TMEM41B: variants seen among roughly 807,000 people sequenced by gnomAD.
TMEM41B encodes the protein protein stasimon.
Under a neutral mutation model 31.9 loss-of-function variants are expected in TMEM41B, and 18 were observed. The ratio of observed to expected loss-of-function variants is 0.56; its 90% CI spans 0.39 to 0.84. The LOEUF (loss-of-function observed/expected upper bound fraction) is 0.84, where lower values mean the gene tolerates loss of function less well. Ranked by LOEUF, TMEM41B falls within the 40% of genes least tolerant of loss-of-function variation. The pLI is 0.00. For synonymous variants in TMEM41B, 144 were observed against 124.3 expected (o/e 1.16, Z -1.05); for missense variants, 322 against 348.0 (o/e 0.93, Z 0.59).
intron 1 of TMEM41B, chr11:9,311,560 G>A: frequency 8.4e-7 from 1 of 1,184,358 alleles, no homozygotes. Context: ...GCTCCTGGGG[G>A]AGGAGGACAG....
rs4325312 is a variant in TMEM41B at position 9,314,524 on chromosome 11, A to G, written c.-83T>C. 0.45 allele frequency: 658,034 copies of G among 1,456,282 alleles called. 152,160 individuals are homozygous for G. Among genetic ancestry groups the G allele is most frequent in the East Asian group, 0.5 (18,942 of 37,678 alleles). The allele number at this position is 1,456,282 out of a possible 1,614,324, so 90.2% of individuals were successfully genotyped here. On this transcript the variant is annotated 5_prime_UTR_variant, in exon 1 of 7. Coordinates refer to ENST00000528080, the MANE Select transcript of TMEM41B (RefSeq NM_015012.4). ...TGTTGCAGGCTCCTTACTACGCCGA[A>G]GCGCCACGGCTAGAGCCACTTCCGG...
intron 1 of TMEM41B, among the ~76,000 whole-genome samples, chr11:9,306,600 G>A (rs1456125349): frequency 6.6e-6 from 1 of 152,040 alleles, no homozygotes; most frequent in Non-Finnish European, 1.5e-5. Context: ...GCAGGAAATC[G>A]GCATTAACCC....
At chr11:9,291,602 A>G (rs550243856) in intron 3 of TMEM41B, among the ~76,000 whole-genome samples, 2 of 151,788 alleles carry the variant, frequency 1.3e-5, no homozygotes, top group African/African-American at 4.8e-5. Flanking sequence ...AGGTTTCACC[A>G]TGTTGGCCAG....
At chr11:9,288,116 C>A (rs1162639146) in intron 4 of TMEM41B, 2 of 59,972 alleles carry the variant, frequency 3.3e-5, no homozygotes, top group Non-Finnish European at 8.3e-5. Context: ...CTACCCCCGA[C>A]CCCCCCAGTT....
At chr11:9,290,984 C>T (rs1852945221) in intron 3 of TMEM41B, among the ~76,000 whole-genome samples, 2 of 152,012 alleles carry the variant, frequency 1.3e-5, no homozygotes, top group Admixed American at 1.3e-4. Flanking sequence ...GTCACAGTGG[C>T]TCATGCCTGT....
At chr11:9,311,270 G>T in intron 1 of TMEM41B, 2 of 1,506,908 alleles carry the variant, frequency 1.3e-6, no homozygotes, top group South Asian at 1.1e-5. Context: ...AAGGACCCAG[G>T]GCCTGTATTC....
chr11:9,286,635 CTTCAAAAT>C (rs1852843830), intron 5 of TMEM41B, 42 bp from the exon 6 acceptor site: 1 of 1,556,328 alleles, frequency 6.4e-7, no homozygotes, highest in East Asian at 2.3e-5. Context: ...ATGAGGACAA[CTTCAAAAT>C]AAGTTGCTTA....
At chr11:9,294,766 A>G (rs188325948) in intron 3 of TMEM41B, among the ~76,000 whole-genome samples, 20 of 152,186 alleles carry the variant, frequency 1.3e-4, no homozygotes, top group Admixed American at 2.0e-4. Context: ...ATTCCTTTGA[A>G]TAAGTATCTT....
chr11:9,282,358 G>C lies in TMEM41B; in HGVS notation c.*1066C>G, dbSNP rs1407845690. On this transcript the variant is annotated 3_prime_UTR_variant, in exon 7 of 7. Transcript: ENST00000528080. ...ACACCACGCACTCCACTCCAGCCTGGGCAACAGCAAGACTCCGTCTCAAAA... is the reference window on the plus strand; with the variant it reads ...ACACCACGCACTCCACTCCAGCCTGCGCAACAGCAAGACTCCGTCTCAAAA... The C allele has an allele frequency of 1.3e-5, 2 of 151,240 alleles. No homozygotes were observed. Among genetic ancestry groups the C allele is most frequent in the Non-Finnish European group, 2.9e-5 (2 of 67,938 alleles). 9.4% of individuals were successfully genotyped at this position (151,240 alleles called of 1,614,324 possible). A position where few individuals can be genotyped will look rare whatever the true frequency, so the allele number is the denominator to read the frequency against.
intron 3 of TMEM41B, among the ~76,000 whole-genome samples, chr11:9,290,377 AAAAACAAAAC>A (rs760970733): frequency 5.8e-4 from 88 of 152,274 alleles, no homozygotes; most frequent in Non-Finnish European, 1.2e-3. Flanking sequence ...ACTCCATCTC[AAAAACAAAAC>A]AAAACAAAAC....
Position 9,304,198 on chromosome 11 carries a change from A to G in TMEM41B, c.122-4497T>C, listed in dbSNP as rs745424727. Among the ~76,000 whole-genome samples the G allele has an allele frequency of 2.2e-4, 33 of 152,202 alleles. 1 individual carries two copies. Among genetic ancestry groups the G allele is most frequent in the Non-Finnish European group, 4.6e-4 (31 of 68,040 alleles). On this transcript the variant is annotated intron_variant, in intron 1 of 6. Coordinates refer to ENST00000528080, the MANE Select transcript of TMEM41B (RefSeq NM_015012.4). The stretch of plus-strand genomic sequence containing the variant: ...TGCTTTTTTGGAACACAGAGAATTA[A>G]AAACACACTTTAAACATCTCAGGTA...
chr11:9,290,678 T>C (rs1034811297), intron 3 of TMEM41B, among the ~76,000 whole-genome samples: 9 of 152,306 alleles, frequency 5.9e-5, no homozygotes, highest in East Asian at 3.9e-4. Flanking sequence ...AAGTGTTTTG[T>C]TGTTTTTGTT....
intron 3 of TMEM41B, among the ~76,000 whole-genome samples, chr11:9,294,488 CA>C (rs61211297): frequency 0.01 from 920 of 88,364 alleles, 1 homozygote; most frequent in African/African-American, 0.03. Flanking sequence ...AACTCCATCT[CA>C]AAAAAAAAAA....
At position 9,285,359 on chromosome 11, in the gene TMEM41B, A is replaced by AG. The variant is rs776977108; in HGVS notation, c.706+1095dup. Among the ~76,000 whole-genome samples the AG allele has an allele frequency of 9.1e-4, 138 of 152,306 alleles. No homozygotes were observed. The Middle Eastern group carries it at 0.014, about 15-fold the overall frequency. ...TGGCCTACCAAAGTGCTGGGATTAT[A>AG]GGCGTGAACCACCGCGCCCGGCTAA... On this transcript the variant is annotated intron_variant, in intron 6 of 6. Coordinates refer to ENST00000528080, the MANE Select transcript of TMEM41B (RefSeq NM_015012.4).
chr11:9,295,016 T>C (rs1053529739), intron 3 of TMEM41B: 3 of 435,932 alleles, frequency 6.9e-6, no homozygotes, highest in South Asian at 8.0e-5. Context: ...AGGAAAATGT[T>C]TGGTAAGTGA....
intron 3 of TMEM41B, among the ~76,000 whole-genome samples, chr11:9,291,023 C>T (rs1420327429): frequency 3.9e-5 from 6 of 151,900 alleles, no homozygotes; most frequent in Admixed American, 3.3e-4. Flanking sequence ...GGCTGGGAAA[C>T]GAGAATCTCT....
chr11:9,302,007 GTTTTT>G (rs11297732), intron 1 of TMEM41B, among the ~76,000 whole-genome samples: 1 of 122,550 alleles, frequency 8.2e-6, no homozygotes, highest in South Asian at 2.6e-4. Flanking sequence ...ATTTTTCTCG[GTTTTT>G]TTTTTTTTTT....
Sources: gnomAD v4.1 joint callset for allele counts (sites outside exome capture counted in the v4.1 genomes callset) on GRCh38, gnomAD v4.1.1 for gene constraint, MANE v1.5 for transcripts, NCBI Gene and HGNC (gene_info 2026-07-23, HGNC 2026-07-21) for gene names.